ASXL2: variants seen among roughly 807,000 people sequenced by gnomAD.
ASXL2 encodes the protein ASXL transcriptional regulator 2.
In ASXL2, 23 loss-of-function variants were observed where a neutral mutation model predicts 122.0. That is an observed-to-expected ratio of 0.19 (90% CI 0.14 to 0.27). ASXL2 has a LOEUF of 0.27. Among genes scored for constraint, ASXL2 ranks in the 10% least tolerant of loss-of-function variants. ASXL2 has a pLI of 1.00. For synonymous variants in ASXL2, 650 were observed against 637.0 expected (o/e 1.02, Z -0.31); for missense variants, 1,518 against 1,713.8 (o/e 0.89, Z 2.02).
intron 3 of ASXL2, chr2:25,822,387 A>T: frequency 4.7e-6 from 1 of 214,676 alleles, no homozygotes; most frequent in Non-Finnish European, 9.3e-6. Context: ...CAGAGTCGTC[A>T]CCGGAGAGAA....
chr2:25,833,622 G>A (rs1200958368), intron 3 of ASXL2, among the ~76,000 whole-genome samples: 1 of 152,116 alleles, frequency 6.6e-6, no homozygotes, highest in East Asian at 1.9e-4. Context: ...TTTGAACTCA[G>A]GAGGCAGAGG....
intron 3 of ASXL2, among the ~76,000 whole-genome samples, chr2:25,821,329 C>T (rs181273629): frequency 2.0e-5 from 3 of 151,078 alleles, no homozygotes; most frequent in East Asian, 3.9e-4. Flanking sequence ...TGCACTCCAG[C>T]CTGGGTGACA....
chr2:25,849,402 G>A (rs943458566), intron 1 of ASXL2, among the ~76,000 whole-genome samples: 7 of 139,774 alleles, frequency 5.0e-5, no homozygotes, highest in Admixed American at 1.6e-4. Flanking sequence ...ACAGTGAGAC[G>A]AGACAGCGCC....
intron 3 of ASXL2, among the ~76,000 whole-genome samples, chr2:25,815,111 C>A (rs1180146318): frequency 6.6e-6 from 1 of 152,098 alleles, no homozygotes; most frequent in Non-Finnish European, 1.5e-5. Context: ...GGAATCTCAC[C>A]CTCACATACA....
intron 1 of ASXL2, among the ~76,000 whole-genome samples, chr2:25,867,057 T>C (rs796884923): frequency 7.2e-5 from 11 of 152,154 alleles, no homozygotes; most frequent in East Asian, 3.9e-4. Flanking sequence ...TGTGCCACCA[T>C]GCCTGGCTAA....
chr2:25,851,490 C>CT (rs1292601045), intron 1 of ASXL2, among the ~76,000 whole-genome samples: 1 of 152,106 alleles, frequency 6.6e-6, no homozygotes, highest in Non-Finnish European at 1.5e-5. Context: ...TATTCTTCAT[C>CT]TTTTTATCAC....
intron 5 of ASXL2, among the ~76,000 whole-genome samples, chr2:25,779,593 T>C (rs192582261): frequency 6.6e-6 from 1 of 152,154 alleles, no homozygotes; most frequent in East Asian, 1.9e-4. Context: ...AAAGGGTTTA[T>C]GTCTTGTCTC....
intron 4 of ASXL2, among the ~76,000 whole-genome samples, chr2:25,799,781 A>G (rs956209151): frequency 1.3e-5 from 2 of 152,206 alleles, no homozygotes; most frequent in African/African-American, 4.8e-5. Flanking sequence ...ACAGGCTTAA[A>G]TTAGACAAAA....
chr2:25,761,274 G>A (rs1307783201), intron 8 of ASXL2, among the ~76,000 whole-genome samples: 1 of 152,196 alleles, frequency 6.6e-6, no homozygotes, highest in Non-Finnish European at 1.5e-5. Context: ...GTATTCCAAA[G>A]AGGACAGAAA....
At chr2:25,747,142 T>C (rs147991671) in intron 12 of ASXL2, among the ~76,000 whole-genome samples, 45 of 152,344 alleles carry the variant, frequency 3.0e-4, no homozygotes, top group African/African-American at 1.0e-3. Flanking sequence ...AATATTGCGA[T>C]AGGTGGTTGG....
intron 2 of ASXL2, among the ~76,000 whole-genome samples, chr2:25,837,767 T>C (rs969639686): frequency 2.6e-5 from 4 of 151,288 alleles, no homozygotes; most frequent in African/African-American, 9.7e-5. Flanking sequence ...GGAGAATCAC[T>C]TGAGGCTGGG....
In ASXL2 at chr2:25,759,539, G is replaced by T. The variant is rs1469683092; in HGVS notation, c.882C>A (p.Val294=). Residue 294 remains valine, a synonymous_variant, in exon 9 of 13, where the codon GTC becomes GTA. Coordinates refer to ENST00000435504, the MANE Select transcript of ASXL2 (RefSeq NM_018263.6). ...GTCGTTGCTGGCAATCTCCAGGAAG[G>T]ACTGAAAATGTGTGCTTGTTGATCA... The part of the protein sequence containing the change: ...RALINKHTFS[V]LPGDCQQRLL... 1 of 1,613,978 alleles carries T rather than the reference G, an allele frequency of 6.2e-7. No homozygotes were observed.
At chr2:25,783,810 C>T (rs1375722810) in intron 5 of ASXL2, among the ~76,000 whole-genome samples, 2 of 150,918 alleles carry the variant, frequency 1.3e-5, no homozygotes, top group South Asian at 2.1e-4. Flanking sequence ...AATGCCAGCA[C>T]TTTGTGGGGC....
At chr2:25,809,848 G>A (rs2089140733) in intron 3 of ASXL2, 1 of 465,018 alleles carries the variant, frequency 2.2e-6, no homozygotes, top group South Asian at 1.7e-5. Context: ...AGTTATAAAG[G>A]TCAGCTTTGG....
intron 5 of ASXL2, among the ~76,000 whole-genome samples, chr2:25,779,909 C>T (rs2088606552): frequency 4.0e-5 from 6 of 151,832 alleles, no homozygotes; most frequent in Admixed American, 3.9e-4. Flanking sequence ...TTCTTGTTGC[C>T]AAGGCTGGAG....
At chr2:25,849,727 A>C (rs1371451320) in intron 1 of ASXL2, among the ~76,000 whole-genome samples, 1 of 151,986 alleles carries the variant, frequency 6.6e-6, no homozygotes, top group Non-Finnish European at 1.5e-5. Context: ...TTTTGTAGAG[A>C]TGGGGTTTTG....
intron 4 of ASXL2, 61 bp from the exon 5 acceptor site, chr2:25,799,596 A>G: frequency 2.6e-6 from 4 of 1,523,656 alleles, no homozygotes. Flanking sequence ...AGAAATTAAA[A>G]CTTCTGATAT....
In ASXL2 at chr2:25,825,275, C is replaced by T. The variant is rs553419210; in HGVS notation, c.143+10263G>A. 4.6e-5 allele frequency among the ~76,000 whole-genome samples: 7 copies of T among 152,204 alleles called. No individual in the cohort carries two copies. The East Asian group carries it at 1.3e-3, about 29-fold the overall frequency. On this transcript the variant is annotated intron_variant, in intron 3 of 12. Transcript: ENST00000435504. Reference sequence around the variant, plus strand: ...TCTCCTACATTAGATTAAATTGTGCCCCATTCAAATAAATGCAAAATCCTA... The same window carrying T: ...TCTCCTACATTAGATTAAATTGTGCTCCATTCAAATAAATGCAAAATCCTA...
Position 25,878,402 on chromosome 2 carries a change from G to T in ASXL2, c.-180C>A, listed in dbSNP as rs1250304787. The T allele has an allele frequency of 3.3e-6, 2 of 612,488 alleles. No homozygotes were observed. Among genetic ancestry groups the T allele is most frequent in the Non-Finnish European group, 2.9e-6 (1 of 348,192 alleles). The allele number at this position is 612,488 out of a possible 1,614,324, so 37.9% of individuals were successfully genotyped here. On this transcript the variant is annotated 5_prime_UTR_variant, in exon 1 of 13. Coordinates refer to ENST00000435504, the MANE Select transcript of ASXL2 (RefSeq NM_018263.6). ...GGTGGTGCGCGGGGGGGTCTATGGG[G>T]CGGCCGGTCCTCTTGCTGCCGTTGC...
Sources: allele counts gnomAD v4.1 joint callset (sites outside exome capture counted in the v4.1 genomes callset), GRCh38; gene constraint gnomAD v4.1.1; transcripts MANE v1.5; gene names NCBI Gene and HGNC (gene_info 2026-07-23, HGNC 2026-07-21).